Variants in ARHGEF26 observed in about 807,000 individuals in gnomAD.
ARHGEF26 encodes the protein Rho guanine nucleotide exchange factor (GEF) 26.
Under a neutral mutation model 89.4 loss-of-function variants are expected in ARHGEF26, and 59 were observed. The ratio of observed to expected loss-of-function variants is 0.66; its 90% confidence interval spans 0.54 to 0.82. ARHGEF26 has a LOEUF of 0.82. Ranked by LOEUF, ARHGEF26 falls within the 40% of genes least tolerant of loss-of-function variation. ARHGEF26 has a pLI of 0.00. For missense variants in ARHGEF26, 1,234 were observed against 1,085.6 expected (o/e 1.14, Z -1.92); for synonymous variants, 500 against 428.4 (o/e 1.17, Z -2.06).
intron 11 of ARHGEF26, among the ~76,000 whole-genome samples, chr3:154,233,135 A>G (rs1206268779): frequency 2.0e-5 from 3 of 152,002 alleles, no homozygotes; most frequent in African/African-American, 7.3e-5. Flanking sequence ...CCAGCCTAGA[A>G]TTGGGTTTCT....
chr3:154,245,216 C>T (rs549970151), intron 12 of ARHGEF26, among the ~76,000 whole-genome samples: 10 of 152,048 alleles, frequency 6.6e-5, no homozygotes, highest in South Asian at 2.1e-4. Context: ...TTAGTAGAGA[C>T]GGGGTTTCAC....
rs192509810 is a variant in ARHGEF26 at position 154,134,470 on chromosome 3, C to T, written c.1269+4751C>T. On this transcript the variant is annotated intron_variant, in intron 4 of 14. Coordinates refer to ENST00000465093, the MANE Select transcript of ARHGEF26 (RefSeq NM_015595.4). ...TTCCGTTTTTAAAACCATCAGATCT[C>T]GTGAGACTTACTCACTATCATGAGA... 4.3e-3 allele frequency among the ~76,000 whole-genome samples: 649 copies of T among 152,226 alleles called. 1 individual carries two copies. The highest frequency in any genetic ancestry group is 7.4e-3 in the Non-Finnish European group (501 of 68,016).
At chr3:154,204,032 CCCT>C (rs1268290379) in intron 9 of ARHGEF26, among the ~76,000 whole-genome samples, 1 of 151,858 alleles carries the variant, frequency 6.6e-6, no homozygotes, top group Non-Finnish European at 1.5e-5. Context: ...TGGAAGTATT[CCCT>C]CCTCCTCTAT....
At chr3:154,124,478 T>G in intron 3 of ARHGEF26, 29 bp downstream of exon 3, 2 of 1,525,440 alleles carry the variant, frequency 1.3e-6, no homozygotes, top group South Asian at 2.6e-5. Context: ...AAACTTTCAT[T>G]GCTGTTTCAA....
At chr3:154,141,433 C>T (rs550344891) in intron 4 of ARHGEF26, among the ~76,000 whole-genome samples, 2 of 152,212 alleles carry the variant, frequency 1.3e-5, no homozygotes, top group Admixed American at 6.5e-5. Context: ...GCTTAACTAA[C>T]TCTGCTCCAG....
intron 6 of ARHGEF26, among the ~76,000 whole-genome samples, chr3:154,156,276 TTTTAC>T (rs1406448191): frequency 6.6e-6 from 1 of 152,084 alleles, no homozygotes; most frequent in East Asian, 1.9e-4. Flanking sequence ...TAGACTAAAA[TTTTAC>T]TTTAATTTCA....
At chr3:154,153,928 A>G (rs913214237) in intron 6 of ARHGEF26, among the ~76,000 whole-genome samples, 7 of 151,896 alleles carry the variant, frequency 4.6e-5, no homozygotes, top group South Asian at 4.1e-4. Context: ...TTTCCTTGCA[A>G]TTATTTGTTG....
In ARHGEF26 at chr3:154,129,670, T is replaced by C; in HGVS notation, c.1220T>C (p.Ile407Thr). Residue 407 changes from isoleucine to threonine, a missense_variant, in exon 4 of 15, where the codon ATT becomes ACT. Transcript: ENST00000465093. ...EPKEQKSDEK[I>T]VIHHKPLRST... ...AAAGAACAGAAGTCAGATGAAAAAA[T>C]TGTGATTCACCATAAGCCATTGAGA... The C allele has an allele frequency of 6.2e-7, 1 of 1,612,248 alleles. No individual in the cohort carries two copies. The highest frequency in any genetic ancestry group is 8.5e-7 in the Non-Finnish European group (1 of 1,179,160).
intron 12 of ARHGEF26, among the ~76,000 whole-genome samples, chr3:154,249,449 G>A (rs1010089368): frequency 6.6e-6 from 1 of 152,182 alleles, no homozygotes; most frequent in Non-Finnish European, 1.5e-5. Context: ...GAACTTGAGG[G>A]TTATGAAAAG....
chr3:154,175,955 G>T (rs1371900591), intron 6 of ARHGEF26, among the ~76,000 whole-genome samples: 2 of 152,184 alleles, frequency 1.3e-5, no homozygotes, highest in Non-Finnish European at 2.9e-5. Context: ...ATCATTCTGT[G>T]CTGGCTTTGT....
intron 12 of ARHGEF26, among the ~76,000 whole-genome samples, chr3:154,245,120 C>T (rs184849079): frequency 7.9e-5 from 12 of 152,318 alleles, no homozygotes; most frequent in East Asian, 1.9e-4. Context: ...CTCCCCTTCA[C>T]GGGTTCAAGT....
chr3:154,154,796 A>G (rs1302594775), intron 6 of ARHGEF26, among the ~76,000 whole-genome samples: 1 of 152,018 alleles, frequency 6.6e-6, no homozygotes, highest in African/African-American at 2.4e-5. Context: ...ATCATCGAGT[A>G]ACTGTGTAGT....
intron 6 of ARHGEF26, among the ~76,000 whole-genome samples, chr3:154,187,455 CA>C: frequency 1.3e-5 from 2 of 151,462 alleles, no homozygotes; most frequent in Middle Eastern, 3.4e-3. Context: ...CTCAGCCTCC[CA>C]AAGTGCTGAG....
Position 154,256,855 on chromosome 3 carries a change from C to CTT in ARHGEF26, c.*1386_*1387dup. On this transcript the variant is annotated 3_prime_UTR_variant, in exon 15 of 15. Coordinates refer to ENST00000465093, the MANE Select transcript of ARHGEF26 (RefSeq NM_015595.4). ...AACTGTGAGTTTCTATAGAACTTTACTTTTTCCACTAGTGCACAGAGAGAG... is the reference window on the plus strand; with the variant it reads ...AACTGTGAGTTTCTATAGAACTTTACTTTTTTTCCACTAGTGCACAGAGAGAG... 2 of 1,532,928 alleles carry CTT rather than the reference C, an allele frequency of 1.3e-6. No homozygotes were observed. Among genetic ancestry groups the CTT allele is most frequent in the Non-Finnish European group, 8.7e-7 (1 of 1,145,720 alleles). The allele number at this position is 1,532,928 out of a possible 1,614,324, so 95.0% of individuals were successfully genotyped here.
intron 12 of ARHGEF26, among the ~76,000 whole-genome samples, chr3:154,251,227 T>G (rs1718126896): frequency 6.6e-6 from 1 of 152,218 alleles, no homozygotes; most frequent in Non-Finnish European, 1.5e-5. Context: ...TGCTTTGTCC[T>G]CTGAAAAAAA....
chr3:154,175,304 A>C (rs16823757), intron 6 of ARHGEF26, among the ~76,000 whole-genome samples: 3,615 of 152,168 alleles, frequency 0.024, 130 homozygotes, highest in African/African-American at 0.083. Flanking sequence ...ATTGTAGGCT[A>C]TTTCTACTGT....
At chr3:154,254,672 G>A in intron 13 of ARHGEF26, 48 bp from the exon 14 acceptor site, 1 of 1,464,186 alleles carries the variant, frequency 6.8e-7, no homozygotes. Flanking sequence ...GATTGCACAT[G>A]TTTTTTCTCT....
intron 6 of ARHGEF26, among the ~76,000 whole-genome samples, chr3:154,160,539 T>C (rs1711592506): frequency 1.3e-5 from 2 of 152,092 alleles, no homozygotes; most frequent in South Asian, 4.1e-4. Flanking sequence ...AGACAACAGC[T>C]ACAATATTTT....
intron 11 of ARHGEF26, among the ~76,000 whole-genome samples, chr3:154,229,203 A>G (rs545625518): frequency 4.6e-5 from 7 of 151,916 alleles, no homozygotes; most frequent in Non-Finnish European, 1.0e-4. Context: ...TATTTTAATT[A>G]TTAATTTTTT....
Sources: gnomAD v4.1 joint callset for allele counts (sites outside exome capture counted in the v4.1 genomes callset) on GRCh38, gnomAD v4.1.1 for gene constraint, MANE v1.5 for transcripts, NCBI Gene and HGNC (gene_info 2026-07-23, HGNC 2026-07-21) for gene names.